The following ELOVL6 variants were observed in gnomAD, a reference collection of about 807,000 sequenced individuals.
ELOVL6 encodes very long chain fatty acid elongase 6.
ELOVL6 carries 8 observed loss-of-function variants against 31.7 expected under a neutral mutation model. The observed-to-expected ratio is 0.25, with a 90% CI of 0.15 to 0.45. The LOEUF (loss-of-function observed/expected upper bound fraction) is 0.45, where lower values mean the gene tolerates loss of function less well. Among genes scored for constraint, ELOVL6 ranks in the 20% least tolerant of loss-of-function variants. The pLI, the probability that ELOVL6 is intolerant of heterozygous loss-of-function variation, is 1.00. For synonymous variants in ELOVL6, 101 were observed against 117.7 expected, an observed-to-expected ratio of 0.86 and a Z score of 0.92; for missense variants, 126 against 326.4, an observed-to-expected ratio of 0.39 and a Z score of 4.73.
chr4:110,089,847 A>G (rs1352673328), intron 2 of ELOVL6, among the ~76,000 whole-genome samples: 1 of 152,122 alleles, frequency 6.6e-6, no homozygotes, highest in Non-Finnish European at 1.5e-5. Context: ...GTGATGATGG[A>G]GGTGGGGAAG....
intron 1 of ELOVL6, among the ~76,000 whole-genome samples, chr4:110,158,840 T>C (rs1331945635): frequency 6.6e-6 from 1 of 151,756 alleles, no homozygotes; most frequent in Non-Finnish European, 1.5e-5. Flanking sequence ...TCTGTATTTT[T>C]AGTAGAGATG....
At position 110,047,984 on chromosome 4, in the gene ELOVL6, C is replaced by A. The variant is rs2126217340; in HGVS notation, c.*3354G>T. On this transcript the variant is annotated 3_prime_UTR_variant, in exon 4 of 4. Coordinates refer to ENST00000302274, the MANE Select transcript of ELOVL6 (RefSeq NM_024090.3). Reference sequence around the variant, plus strand: ...GTCTTTCCCATCAATTCTACAAAACCCACTCATATGAAGTTTCTAACTCAG... The same window carrying A: ...GTCTTTCCCATCAATTCTACAAAACACACTCATATGAAGTTTCTAACTCAG... 1 of 151,734 alleles carries A rather than the reference C, an allele frequency of 6.6e-6. No homozygotes were observed. Among genetic ancestry groups the A allele is most frequent in the African/African-American group, 2.4e-5 (1 of 41,336 alleles). The allele number at this position is 151,734 out of a possible 1,614,324, so 9.4% of individuals were successfully genotyped here. A position where few individuals can be genotyped will look rare whatever the true frequency, so the allele number is the denominator to read the frequency against.
intron 1 of ELOVL6, among the ~76,000 whole-genome samples, chr4:110,117,578 T>G (rs1757202261): frequency 6.6e-6 from 1 of 151,944 alleles, no homozygotes; most frequent in African/African-American, 2.4e-5. Flanking sequence ...TGAAGGCTGG[T>G]AGATTGAATT....
intron 1 of ELOVL6, among the ~76,000 whole-genome samples, chr4:110,155,812 A>C (rs887957103): frequency 6.6e-6 from 1 of 152,056 alleles, no homozygotes; most frequent in Non-Finnish European, 1.5e-5. Context: ...GAGATTTATT[A>C]ACCTCCCACC....
chr4:110,117,897 A>ATATATATATATAT (rs1757217144), intron 1 of ELOVL6: 1 of 5,838 alleles, frequency 1.7e-4, no homozygotes, highest in African/African-American at 7.9e-4. Context: ...AAAAAAAAAA[A>ATATATATATATAT]AAAAAAATAT....
At chr4:110,112,188 C>G (rs974196164) in intron 1 of ELOVL6, among the ~76,000 whole-genome samples, 1 of 152,112 alleles carries the variant, frequency 6.6e-6, no homozygotes, top group Non-Finnish European at 1.5e-5. Context: ...CACAGAGAAA[C>G]TTGGTATGCA....
intron 1 of ELOVL6, chr4:110,197,977 G>GTGTTGTC: frequency 1.9e-6 from 1 of 534,738 alleles, no homozygotes; most frequent in Non-Finnish European, 3.4e-6. Flanking sequence ...ACATCACCCT[G>GTGTTGTC]TGCACACACA....
At chr4:110,169,325 A>G (rs529220632) in intron 1 of ELOVL6, among the ~76,000 whole-genome samples, 30 of 145,174 alleles carry the variant, frequency 2.1e-4, no homozygotes, top group African/African-American at 6.6e-4. Flanking sequence ...TGCAATCTCT[A>G]CCTCCTGGGT....
Position 110,108,378 on chromosome 4 carries a change from C to A in ELOVL6, c.90-2750G>T, listed in dbSNP as rs148871146. 5.1e-4 allele frequency among the ~76,000 whole-genome samples: 78 copies of A among 152,232 alleles called. No homozygotes were observed. The East Asian group carries it at 0.014, about 28-fold the overall frequency. Reference sequence around the variant, plus strand: ...AAGGGAAAAGTAATGCCTCAAGAACCAAGAAAAGAACAAAAAATCTTCCCT... The same window carrying A: ...AAGGGAAAAGTAATGCCTCAAGAACAAAGAAAAGAACAAAAAATCTTCCCT... On this transcript the variant is annotated intron_variant, in intron 1 of 3. Coordinates refer to ENST00000302274, the MANE Select transcript of ELOVL6 (RefSeq NM_024090.3).
At chr4:110,176,975 TCTGC>T (rs918164597) in intron 1 of ELOVL6, among the ~76,000 whole-genome samples, 2 of 152,238 alleles carry the variant, frequency 1.3e-5, no homozygotes, top group African/African-American at 4.8e-5. Context: ...CCTCAGGTGG[TCTGC>T]CTGCCTCGGC....
At chr4:110,086,169 C>T (rs1286060537) in intron 2 of ELOVL6, among the ~76,000 whole-genome samples, 3 of 152,110 alleles carry the variant, frequency 2.0e-5, no homozygotes, top group African/African-American at 7.2e-5. Context: ...TGGATTTAGT[C>T]CTCTTTAACT....
intron 2 of ELOVL6, among the ~76,000 whole-genome samples, chr4:110,076,783 G>A (rs1358655582): frequency 1.3e-5 from 2 of 152,192 alleles, no homozygotes; most frequent in South Asian, 2.1e-4. Context: ...GAAGCAGGGC[G>A]AGGCATAACC....
At chr4:110,073,415 T>C (rs574512707) in intron 2 of ELOVL6, among the ~76,000 whole-genome samples, 1 of 152,356 alleles carries the variant, frequency 6.6e-6, no homozygotes, top group African/African-American at 2.4e-5. Flanking sequence ...AAGTGGGTTG[T>C]GCCTGTGGAA....
intron 1 of ELOVL6, among the ~76,000 whole-genome samples, chr4:110,127,848 C>G (rs1757553195): frequency 6.6e-6 from 1 of 152,118 alleles, no homozygotes; most frequent in Non-Finnish European, 1.5e-5. Context: ...AAAACAGACA[C>G]ACTCCTTGCA....
At chr4:110,095,739 A>T (rs1359344144) in intron 2 of ELOVL6, among the ~76,000 whole-genome samples, 1 of 152,214 alleles carries the variant, frequency 6.6e-6, no homozygotes, top group Non-Finnish European at 1.5e-5. Flanking sequence ...CATTTGAAGG[A>T]CAGCAACTAG....
At chr4:110,076,703 G>T (rs2005700) in intron 2 of ELOVL6, among the ~76,000 whole-genome samples, 2 of 152,048 alleles carry the variant, frequency 1.3e-5, no homozygotes, top group Non-Finnish European at 2.9e-5. Flanking sequence ...CTGAGGAACC[G>T]GGTTCATCTC....
chr4:110,139,465 T>G (rs1757895922), intron 1 of ELOVL6, among the ~76,000 whole-genome samples: 1 of 152,218 alleles, frequency 6.6e-6, no homozygotes, highest in Admixed American at 6.5e-5. Context: ...TTTTTCTTTT[T>G]GCTTACATAT....
chr4:110,103,376 C>T (rs1173775870), intron 2 of ELOVL6, among the ~76,000 whole-genome samples: 2 of 151,918 alleles, frequency 1.3e-5, no homozygotes, highest in Non-Finnish European at 2.9e-5. Context: ...ATCTCAAAAT[C>T]ACTGGCATAT....
chr4:110,080,921 A>C (rs1389435338), intron 2 of ELOVL6, among the ~76,000 whole-genome samples: 2 of 152,180 alleles, frequency 1.3e-5, no homozygotes, highest in Non-Finnish European at 2.9e-5. Flanking sequence ...AATGTGCAAA[A>C]ATCACAGGCA....
Sources: gnomAD v4.1 joint callset for allele counts (sites outside exome capture counted in the v4.1 genomes callset) on GRCh38, gnomAD v4.1.1 for gene constraint, MANE v1.5 for transcripts, NCBI Gene and HGNC (gene_info 2026-07-23, HGNC 2026-07-21) for gene names.